The following ADAMTSL3 variants were observed in gnomAD, a reference collection of about 807,000 sequenced individuals.
ADAMTSL3 encodes ADAMTS like 3, also known as ADAMTS-like protein 3.
In ADAMTSL3, 128 loss-of-function variants were observed where a neutral mutation model predicts 201.7. The observed-to-expected ratio is 0.63, with a 90% CI of 0.55 to 0.73. ADAMTSL3 has a LOEUF of 0.73. ADAMTSL3 is among the 30% of genes least tolerant of loss of function. The pLI, the probability that ADAMTSL3 is intolerant of heterozygous loss-of-function variation, is 0.00. For synonymous variants in ADAMTSL3, 738 were observed against 748.4 expected (o/e 0.99, Z 0.23); for missense variants, 1,990 against 2,119.6 (o/e 0.94, Z 1.20).
chr15:83,974,876 A>G (rs985308933), intron 20 of ADAMTSL3, among the ~76,000 whole-genome samples: 1 of 152,022 alleles, frequency 6.6e-6, no homozygotes, highest in South Asian at 2.1e-4. Flanking sequence ...GAACCCAGGC[A>G]TGCCCTATTT....
In ADAMTSL3 at chr15:84,039,117, A is replaced by G. The variant is rs1480697508; in HGVS notation, c.*1311A>G. ...TTTGGTTATGGGGTCTTTCCCCTGT[A>G]TACTACCAGTTGTGTCTTTAGATGG... On this transcript the variant is annotated 3_prime_UTR_variant, in exon 30 of 30. Transcript: ENST00000286744. 6.6e-6 allele frequency: 1 copy of G among 152,434 alleles called. No homozygotes were observed. Among genetic ancestry groups the G allele is most frequent in the Non-Finnish European group, 1.5e-5 (1 of 68,078 alleles). 9.4% of individuals were successfully genotyped at this position (152,434 alleles called of 1,614,324 possible).
intron 17 of ADAMTSL3, 29 bp downstream of exon 17, chr15:83,924,062 T>C (rs374202285): frequency 6.2e-7 from 1 of 1,612,394 alleles, no homozygotes; most frequent in African/African-American, 1.3e-5. Context: ...TCCTGGTATA[T>C]ACCGTGTCCG....
intron 2 of ADAMTSL3, among the ~76,000 whole-genome samples, chr15:83,659,895 T>C (rs746322509): frequency 2.6e-5 from 4 of 152,326 alleles, no homozygotes; most frequent in Non-Finnish European, 4.4e-5. Flanking sequence ...GATTTTCTGC[T>C]CAAGTCTTCA....
rs1382320400 is a variant in ADAMTSL3 at position 83,858,797 on chromosome 15, A to C, written c.759A>C (p.Gly253=). 16 of 1,613,660 alleles carry C rather than the reference A, an allele frequency of 9.9e-6. No homozygotes were observed. The highest frequency in any genetic ancestry group is 1.4e-5 in the Non-Finnish European group (16 of 1,179,838). The change falls in exon 8 of 30, where the codon GGA becomes GGC. Residue 253 remains glycine (G), a synonymous_variant. Transcript: ENST00000286744. The part of the protein sequence containing the change: ...REENVIAVPL[G]SRSVRITVKG... ...AAAATGTAATTGCTGTTCCTTTGGGAAGTCGAAGTGTGAGAATTACAGTGA... is the reference window on the plus strand; with the variant it reads ...AAAATGTAATTGCTGTTCCTTTGGGCAGTCGAAGTGTGAGAATTACAGTGA...
intron 23 of ADAMTSL3, among the ~76,000 whole-genome samples, chr15:83,993,548 A>G (rs1287219892): frequency 6.6e-6 from 1 of 152,214 alleles, no homozygotes; most frequent in Non-Finnish European, 1.5e-5. Context: ...ACACATATTC[A>G]TAGCTTCTAG....
chr15:83,758,640 C>G (rs2062758800), intron 3 of ADAMTSL3, among the ~76,000 whole-genome samples: 1 of 152,194 alleles, frequency 6.6e-6, no homozygotes, highest in East Asian at 1.9e-4. Context: ...ATTTCATTTG[C>G]ATTTCCCTAA....
chr15:83,883,902 T>C (rs2065332445), intron 9 of ADAMTSL3, among the ~76,000 whole-genome samples: 2 of 150,308 alleles, frequency 1.3e-5, no homozygotes, highest in East Asian at 2.0e-4. Context: ...CTTTTACTTT[T>C]TTTTTTTTAG....
At chr15:83,889,633 A>T (rs2065464700) in intron 10 of ADAMTSL3, among the ~76,000 whole-genome samples, 1 of 152,136 alleles carries the variant, frequency 6.6e-6, no homozygotes, top group South Asian at 2.1e-4. Context: ...AAGAAGAGAG[A>T]TTATACGGAA....
At chr15:83,937,070 AAATT>A (rs1271863194) in intron 17 of ADAMTSL3, among the ~76,000 whole-genome samples, 1 of 151,092 alleles carries the variant, frequency 6.6e-6, no homozygotes, top group Non-Finnish European at 1.5e-5. Context: ...GTGGGAATGT[AAATT>A]AATTCAGCTA....
At chr15:83,865,924 A>G (rs985827869) in intron 8 of ADAMTSL3, among the ~76,000 whole-genome samples, 2 of 152,226 alleles carry the variant, frequency 1.3e-5, no homozygotes, top group African/African-American at 4.8e-5. Context: ...CAAGAAAAAA[A>G]CAGCCCCATC....
chr15:83,924,028 C>T lies in ADAMTSL3; in HGVS notation c.2112C>T (p.Pro704=), dbSNP rs781475456. The change falls in exon 17 of 30, where the codon CCC becomes CCT. Residue 704 remains proline, a synonymous_variant. Transcript: ENST00000286744. Reference sequence around the variant, plus strand: ...AGGCCTGTAACACAGAGCCCTGTCCCCCCAGGTATGTGCTGTCTTGTGTTC... The same window carrying T: ...AGGCCTGTAACACAGAGCCCTGTCCTCCCAGGTATGTGCTGTCTTGTGTTC... ...MSQACNTEPC[P]PRWHVGSWGP... 5.0e-6 allele frequency: 8 copies of T among 1,613,942 alleles called. No individual in the cohort carries two copies. Among genetic ancestry groups the T allele is most frequent in the East Asian group, 2.2e-5 (1 of 44,852 alleles).
chr15:83,943,498 C>G (rs951698177), intron 19 of ADAMTSL3, among the ~76,000 whole-genome samples: 2 of 152,166 alleles, frequency 1.3e-5, no homozygotes, highest in African/African-American at 4.8e-5. Flanking sequence ...TGTTCTGTCA[C>G]TTATGCTGTT....
intron 23 of ADAMTSL3, among the ~76,000 whole-genome samples, chr15:83,995,941 G>A (rs751849727): frequency 1.8e-4 from 28 of 152,074 alleles, no homozygotes; most frequent in Admixed American, 4.6e-4. Context: ...AACAGAATGC[G>A]GAGCCCACAG....
chr15:83,896,483 T>C (rs1250606216), intron 13 of ADAMTSL3, among the ~76,000 whole-genome samples: 1 of 152,206 alleles, frequency 6.6e-6, no homozygotes, highest in Non-Finnish European at 1.5e-5. Flanking sequence ...CTTGATAATA[T>C]TTAATAATGA....
At chr15:83,726,218 A>G (rs550144932) in intron 3 of ADAMTSL3, among the ~76,000 whole-genome samples, 2 of 152,236 alleles carry the variant, frequency 1.3e-5, no homozygotes, top group South Asian at 4.1e-4. Flanking sequence ...GGCATATGGA[A>G]ATGCTACTGA....
intron 9 of ADAMTSL3, among the ~76,000 whole-genome samples, chr15:83,884,260 T>C (rs1226643065): frequency 1.3e-5 from 2 of 152,092 alleles, no homozygotes; most frequent in Non-Finnish European, 2.9e-5. Context: ...TAACATGATA[T>C]TTTGAAATAT....
At chr15:83,875,058 T>C (rs2141838904) in intron 9 of ADAMTSL3, among the ~76,000 whole-genome samples, 1 of 109,552 alleles carries the variant, frequency 9.1e-6, no homozygotes, top group South Asian at 2.4e-4. Flanking sequence ...CCTCTAAGAA[T>C]CAAATGCCAA....
intron 2 of ADAMTSL3, among the ~76,000 whole-genome samples, chr15:83,702,069 G>A (rs2141495087): frequency 6.6e-6 from 1 of 152,294 alleles, no homozygotes; most frequent in Admixed American, 6.5e-5. Flanking sequence ...AACTTCTTGG[G>A]AACTGGAGCA....
chr15:84,002,337 T>C (rs751295752), intron 23 of ADAMTSL3, among the ~76,000 whole-genome samples: 1 of 152,228 alleles, frequency 6.6e-6, no homozygotes, highest in Non-Finnish European at 1.5e-5. Context: ...ACAGCCTTGA[T>C]GGTCCAGTCC....
Sources: gnomAD v4.1 joint callset for allele counts (sites outside exome capture counted in the v4.1 genomes callset) on GRCh38, gnomAD v4.1.1 for gene constraint, MANE v1.5 for transcripts, NCBI Gene and HGNC (gene_info 2026-07-23, HGNC 2026-07-21) for gene names.